The following PPIP5K1 variants were observed in gnomAD, a reference collection of about 807,000 sequenced individuals.
PPIP5K1 encodes the protein diphosphoinositol pentakisphosphate kinase 1.
In PPIP5K1, 6 loss-of-function variants were observed where a neutral mutation model predicts 27.7. The ratio of observed to expected loss-of-function variants is 0.22; its 90% confidence interval spans 0.12 to 0.43. The LOEUF (loss-of-function observed/expected upper bound fraction) is 0.43. PPIP5K1 is among the 20% of genes least tolerant of loss of function. The pLI, the probability that PPIP5K1 is intolerant of heterozygous loss-of-function variation, is 1.00. For synonymous variants in PPIP5K1, 145 were observed against 242.6 expected, an observed-to-expected ratio of 0.60 and a Z score of 3.74; for missense variants, 394 against 635.4, an observed-to-expected ratio of 0.62 and a Z score of 4.08.
At chr15:43,567,118 GTTTTTTT>G (rs148202516) in intron 26 of PPIP5K1, among the ~76,000 whole-genome samples, 1 of 96,978 alleles carries the variant, frequency 1.0e-5, no homozygotes, top group Non-Finnish European at 1.8e-5. Flanking sequence ...GTTGTTTCGG[GTTTTTTT>G]TTTTTTTTTG....
At chr15:43,554,105 T>G (rs897582849) in intron 30 of PPIP5K1, among the ~76,000 whole-genome samples, 45 of 152,138 alleles carry the variant, frequency 3.0e-4, no homozygotes, top group African/African-American at 1.0e-3. Flanking sequence ...ATCACACCAC[T>G]CCAGCCTGGG....
At chr15:43,553,056 G>C (rs984464396) in intron 30 of PPIP5K1, among the ~76,000 whole-genome samples, 1 of 152,098 alleles carries the variant, frequency 6.6e-6, no homozygotes, top group Non-Finnish European at 1.5e-5. Flanking sequence ...AAAAGAAAAA[G>C]AATATGTTGT....
At chr15:43,557,293 A>G (rs754773295) in intron 30 of PPIP5K1, among the ~76,000 whole-genome samples, 35 of 152,230 alleles carry the variant, frequency 2.3e-4, no homozygotes, top group Non-Finnish European at 3.7e-4. Context: ...CTAAAAATAC[A>G]AAAATTAGCC....
intron 30 of PPIP5K1, among the ~76,000 whole-genome samples, chr15:43,554,225 G>A (rs1279172463): frequency 1.3e-5 from 2 of 152,204 alleles, no homozygotes; most frequent in Non-Finnish European, 1.5e-5. Context: ...TTTGTGTCAT[G>A]TATTTTGGGG....
chr15:43,586,949 G>GA (rs142099435), intron 1 of PPIP5K1, among the ~76,000 whole-genome samples: 13,906 of 76,872 alleles, frequency 0.18, 13 homozygotes, highest in Middle Eastern at 0.2. Context: ...GAGCTACAGT[G>GA]AAAAAAAAAA....
intron 30 of PPIP5K1, among the ~76,000 whole-genome samples, chr15:43,549,779 T>C (rs1399644149): frequency 6.6e-6 from 1 of 152,330 alleles, no homozygotes; most frequent in African/African-American, 2.4e-5. Flanking sequence ...GAGACCAGCC[T>C]GGGCAACATG....
At chr15:43,547,249 T>G (rs72711861) in intron 30 of PPIP5K1, among the ~76,000 whole-genome samples, 1 of 152,360 alleles carries the variant, frequency 6.6e-6, no homozygotes, top group Non-Finnish European at 1.5e-5. Context: ...CTGTGTTGTC[T>G]TTTTGTTGTT....
intron 30 of PPIP5K1, among the ~76,000 whole-genome samples, chr15:43,556,940 T>G (rs1487864797): frequency 1.3e-5 from 2 of 152,236 alleles, no homozygotes; most frequent in African/African-American, 4.8e-5. Context: ...TTTACTATTC[T>G]CCAGAGTTCT....
At chr15:43,551,695 C>T (rs1309700064) in intron 30 of PPIP5K1, among the ~76,000 whole-genome samples, 5 of 124,274 alleles carry the variant, frequency 4.0e-5, no homozygotes, top group South Asian at 2.8e-4. Context: ...CTCCGCCTCC[C>T]GGGTTCATGC....
chr15:43,551,845 C>T (rs925709826), intron 30 of PPIP5K1, among the ~76,000 whole-genome samples: 5 of 151,984 alleles, frequency 3.3e-5, no homozygotes, highest in Admixed American at 1.3e-4. Flanking sequence ...CCTCGTGATC[C>T]GCCCATCTCG....
At chr15:43,554,081 T>C (rs1414575893) in intron 30 of PPIP5K1, among the ~76,000 whole-genome samples, 1 of 152,186 alleles carries the variant, frequency 6.6e-6, no homozygotes, top group Non-Finnish European at 1.5e-5. Context: ...AGGTCAAGGC[T>C]GCAGTGAACT....
intron 30 of PPIP5K1, among the ~76,000 whole-genome samples, chr15:43,545,471 CTTCTT>C (rs1179665070): frequency 3.7e-4 from 54 of 145,382 alleles, no homozygotes; most frequent in African/African-American, 1.4e-3. Flanking sequence ...TCTCTGTACA[CTTCTT>C]TTTTTTTTTT....
chr15:43,537,416 C>T, intron 31 of PPIP5K1: 1 of 306,516 alleles, frequency 3.3e-6, no homozygotes, highest in Non-Finnish European at 6.3e-6. Context: ...AAGCCAGACG[C>T]GGTGGCTCAT....
intron 30 of PPIP5K1, among the ~76,000 whole-genome samples, chr15:43,547,733 C>G (rs893431583): frequency 6.6e-6 from 1 of 152,196 alleles, no homozygotes; most frequent in Non-Finnish European, 1.5e-5. Flanking sequence ...CAATACCACA[C>G]TGTTTTGATT....
intron 30 of PPIP5K1, among the ~76,000 whole-genome samples, chr15:43,558,225 G>A (rs1300883637): frequency 7.3e-6 from 1 of 137,790 alleles, no homozygotes; most frequent in Non-Finnish European, 1.5e-5. Flanking sequence ...CTCAGCTAAT[G>A]TTTGTATTTT....
In PPIP5K1 at chr15:43,544,155, C is replaced by T. The variant is rs144550770; in HGVS notation, c.3557-4572G>A. ...TCCTTCATGCCCTTCAGCCCCATTC[C>T]CTATTGTTAAATCTGAGGTAATAAA... On this transcript the variant is annotated intron_variant, in intron 30 of 31. Transcript: ENST00000420765. Among the ~76,000 whole-genome samples, 127 of 152,188 alleles carry T rather than the reference C, an allele frequency of 8.3e-4. 2 individuals carry two copies. The highest frequency in any genetic ancestry group is 1.8e-4 in the Non-Finnish European group (12 of 68,014).
chr15:43,534,206 C>T lies in PPIP5K1; in HGVS notation c.*468G>A, dbSNP rs2079551061. ...GAGTCCCCTCTTTTGCATTTGCTGT[C>T]GCCAGATGGTGTCTTCAGCAGTGAA... On this transcript the variant is annotated 3_prime_UTR_variant, in exon 32 of 32. Transcript: ENST00000420765. The T allele has an allele frequency of 6.5e-6, 1 of 154,468 alleles. No homozygotes were observed. The highest frequency in any genetic ancestry group is 1.4e-5 in the Non-Finnish European group (1 of 69,346). 9.6% of individuals were successfully genotyped at this position (154,468 alleles called of 1,614,324 possible). A position where few individuals can be genotyped will look rare whatever the true frequency, so the allele number is the denominator to read the frequency against.
chr15:43,540,558 G>A lies in PPIP5K1; in HGVS notation c.3557-975C>T, dbSNP rs139962419. 4.4e-3 allele frequency among the ~76,000 whole-genome samples: 665 copies of A among 151,190 alleles called. 4 individuals carry two copies. Among genetic ancestry groups the A allele is most frequent in the African/African-American group, 0.015 (624 of 41,144 alleles). The stretch of plus-strand genomic sequence containing the variant: ...CTAAAAATACAAAAATTAGCCGGGT[G>A]TAGTGGCACATGCCTGTAATCCCAG... On this transcript the variant is annotated intron_variant, in intron 30 of 31. Transcript: ENST00000420765.
chr15:43,542,312 G>T (rs536775615), intron 30 of PPIP5K1, among the ~76,000 whole-genome samples: 42 of 150,354 alleles, frequency 2.8e-4, no homozygotes, highest in Non-Finnish European at 4.6e-4. Flanking sequence ...GGGGGGGGGG[G>T]GCAGAGTCTT....
Sources: gnomAD v4.1 joint callset for allele counts (sites outside exome capture counted in the v4.1 genomes callset) on GRCh38, gnomAD v4.1.1 for gene constraint, MANE v1.5 for transcripts, NCBI Gene and HGNC (gene_info 2026-07-23, HGNC 2026-07-21) for gene names.